Variants in ELOVL7 observed in about 807,000 individuals in gnomAD.
ELOVL7 encodes ELOVL fatty acid elongase 7.
A neutral mutation model predicts 35.7 loss-of-function variants in ELOVL7; 27 were observed. The ratio of observed to expected loss-of-function variants is 0.76; its 90% CI spans 0.56 to 1.04. ELOVL7 has a LOEUF of 1.04. Ranked by LOEUF, ELOVL7 falls within the 50% of genes least tolerant of loss-of-function variation. The pLI is 0.00. For synonymous variants in ELOVL7, 113 were observed against 114.6 expected (o/e 0.99, Z 0.09); for missense variants, 327 against 340.8 (o/e 0.96, Z 0.32).
At chr5:60,842,132 A>G (rs1867598) in intron 1 of ELOVL7, among the ~76,000 whole-genome samples, 19,892 of 152,224 alleles carry the variant, frequency 0.13, 1,642 homozygotes, top group African/African-American at 0.23. Context: ...AAAGATGATA[A>G]CAAATAGCAG....
intron 3 of ELOVL7, among the ~76,000 whole-genome samples, chr5:60,781,027 T>G (rs1041615059): frequency 3.9e-5 from 6 of 152,140 alleles, no homozygotes. Context: ...CTGGCCAACA[T>G]GGTGAAACCC....
chr5:60,787,438 T>C lies in ELOVL7; in HGVS notation c.-34-7A>G, dbSNP rs1361674429. 6.8e-7 allele frequency: 1 copy of C among 1,463,454 alleles called. No homozygotes were observed. The highest frequency in any genetic ancestry group is 2.4e-5 in the East Asian group (1 of 41,828). 90.7% of individuals were successfully genotyped at this position (1,463,454 alleles called of 1,614,324 possible). A position where few individuals can be genotyped will look rare whatever the true frequency, so the allele number is the denominator to read the frequency against. ...CTGGCTCTTTTAATGGGTTCTTCAG[T>C]AAAATAAAACAGAAATGAGTTTATA... On this transcript the variant is annotated splice_polypyrimidine_tract_variant and splice_region_variant and intron_variant, in intron 2 of 8. Coordinates refer to ENST00000508821, the MANE Select transcript of ELOVL7 (RefSeq NM_024930.3).
chr5:60,766,338 G>A (rs1455645917), intron 6 of ELOVL7, among the ~76,000 whole-genome samples: 3 of 152,176 alleles, frequency 2.0e-5, no homozygotes, highest in Non-Finnish European at 4.4e-5. Flanking sequence ...CTATGTAACA[G>A]AAACTTTATA....
At chr5:60,765,659 C>T (rs34724099) in intron 6 of ELOVL7, among the ~76,000 whole-genome samples, 31,393 of 151,930 alleles carry the variant, frequency 0.21, 3,798 homozygotes, top group Non-Finnish European at 0.27. Flanking sequence ...GGGTGGGGGT[C>T]GAGGCAGCTG....
intron 1 of ELOVL7, among the ~76,000 whole-genome samples, chr5:60,823,245 G>T (rs1009011712): frequency 6.6e-6 from 1 of 152,104 alleles, no homozygotes; most frequent in Non-Finnish European, 1.5e-5. Context: ...TGGAGCAAGG[G>T]TGATACCTCC....
chr5:60,806,704 A>G (rs546487501), intron 1 of ELOVL7, among the ~76,000 whole-genome samples: 11 of 152,270 alleles, frequency 7.2e-5, no homozygotes, highest in African/African-American at 2.6e-4. Context: ...CTGAGGGCTG[A>G]AGGAACTGTT....
At chr5:60,757,393 C>T (rs7715147) in intron 8 of ELOVL7, 116 bp downstream of exon 8, 34 of 1,016,994 alleles carry the variant, frequency 3.3e-5, no homozygotes, top group East Asian at 3.0e-4. Flanking sequence ...AGGGGCCAGA[C>T]GCTCTACCCC....
At chr5:60,785,757 A>T (rs1164521770) in intron 3 of ELOVL7, 1 of 152,244 alleles carries the variant, frequency 6.6e-6, no homozygotes, top group Non-Finnish European at 1.5e-5. Context: ...AAAAGTTAAG[A>T]AAAGATAGGC....
intron 8 of ELOVL7, among the ~76,000 whole-genome samples, chr5:60,756,426 G>A (rs75172201): frequency 1.3e-5 from 2 of 152,094 alleles, no homozygotes; most frequent in Non-Finnish European, 1.5e-5. Context: ...TATTTGCAAT[G>A]AGCATATACT....
intron 1 of ELOVL7, among the ~76,000 whole-genome samples, chr5:60,842,416 G>A (rs1004134566): frequency 4.7e-5 from 7 of 149,602 alleles, no homozygotes; most frequent in African/African-American, 1.7e-4. Context: ...AACTGAAGAA[G>A]ACATGGAAAG....
intron 1 of ELOVL7, among the ~76,000 whole-genome samples, chr5:60,830,626 G>C (rs1340803953): frequency 6.8e-6 from 1 of 146,050 alleles, no homozygotes; most frequent in Non-Finnish European, 1.5e-5. Context: ...TTTTTTTTTG[G>C]TAGTATGACT....
intron 3 of ELOVL7, among the ~76,000 whole-genome samples, chr5:60,786,937 C>A (rs138570928): frequency 6.7e-6 from 1 of 149,522 alleles, no homozygotes; most frequent in South Asian, 2.1e-4. Flanking sequence ...CCAGCTTGGG[C>A]GACAGAGTGA....
Position 60,824,204 on chromosome 5 carries a change from T to C in ELOVL7, c.-86+19956A>G, listed in dbSNP as rs377477285. On this transcript the variant is annotated intron_variant, in intron 1 of 8. Transcript: ENST00000508821. The stretch of plus-strand genomic sequence containing the variant: ...AAATTCAGACACCAAGGCAAAATTA[T>C]AGTCTCTGAGAGAGTGAAGAGAAGG... 2.6e-5 allele frequency among the ~76,000 whole-genome samples: 4 copies of C among 152,318 alleles called. No individual in the cohort carries two copies. The South Asian group carries it at 8.3e-4, about 32-fold the overall frequency.
rs540818727 is a variant in ELOVL7, at chr5:60,754,503, T to C, written c.*121A>G. Reference sequence around the variant, plus strand: ...CTCAAATATCAGACATCCCAATAACTTACCATAAAAATACAAGCTCTTAGT... The same window carrying C: ...CTCAAATATCAGACATCCCAATAACCTACCATAAAAATACAAGCTCTTAGT... On this transcript the variant is annotated 3_prime_UTR_variant, in exon 9 of 9. Transcript: ENST00000508821. 148 of 865,996 alleles carry C rather than the reference T, an allele frequency of 1.7e-4. 1 individual carries two copies. In the African/African-American group the frequency reaches 2.2e-3, roughly 13 times the overall value. The allele number at this position is 865,996 out of a possible 1,614,324, so 53.6% of individuals were successfully genotyped here.
intron 3 of ELOVL7, among the ~76,000 whole-genome samples, chr5:60,773,156 T>C (rs926067788): frequency 1.3e-5 from 2 of 152,206 alleles, no homozygotes; most frequent in Non-Finnish European, 1.5e-5. Flanking sequence ...TAATTTCTAG[T>C]AGTTCAGGTT....
chr5:60,820,505 C>G (rs1745819981), intron 1 of ELOVL7, among the ~76,000 whole-genome samples: 1 of 152,178 alleles, frequency 6.6e-6, no homozygotes, highest in Admixed American at 6.5e-5. Flanking sequence ...TGACCAGTGT[C>G]TGGGATAGAA....
At chr5:60,843,011 C>A (rs1433192114) in intron 1 of ELOVL7, among the ~76,000 whole-genome samples, 1 of 151,644 alleles carries the variant, frequency 6.6e-6, no homozygotes, top group East Asian at 1.9e-4. Context: ...TAAGCGGGTG[C>A]GTGGTAAGAA....
intron 1 of ELOVL7, among the ~76,000 whole-genome samples, chr5:60,822,925 C>T (rs1030919915): frequency 6.6e-6 from 1 of 152,122 alleles, no homozygotes; most frequent in African/African-American, 2.4e-5. Context: ...ATTCAGCCAA[C>T]CTGGAAGCCT....
Position 60,824,362 on chromosome 5 carries a change from G to A in ELOVL7, c.-86+19798C>T, listed in dbSNP as rs148548272. Among the ~76,000 whole-genome samples the A allele has an allele frequency of 1.7e-3, 256 of 152,338 alleles. 1 individual carries two copies. The highest frequency in any genetic ancestry group is 5.8e-3 in the African/African-American group (240 of 41,578). On this transcript the variant is annotated intron_variant, in intron 1 of 8. Transcript: ENST00000508821. ...GACGTGGAAGTCTCCCAGAGCAACA[G>A]CAGGAGTAACGATGGAGAAACGTCA...
Sources: allele counts gnomAD v4.1 joint callset (sites outside exome capture counted in the v4.1 genomes callset), GRCh38; gene constraint gnomAD v4.1.1; transcripts MANE v1.5; gene names NCBI Gene and HGNC (gene_info 2026-07-23, HGNC 2026-07-21).